SLAMF8: variants seen among roughly 807,000 people sequenced by gnomAD.
SLAMF8 encodes SLAM family member 8, also known as B lymphocyte activator macrophage expressed.
SLAMF8 carries 23 observed loss-of-function variants against 29.0 expected under a neutral mutation model. The ratio of observed to expected loss-of-function variants is 0.79; its 90% CI spans 0.57 to 1.13. The LOEUF is 1.13. Ranked by LOEUF, SLAMF8 falls within the 50% of genes most tolerant of loss-of-function variation. The pLI is 0.00. For missense variants in SLAMF8, 381 were observed against 353.1 expected (o/e 1.08, Z -0.63); for synonymous variants, 139 against 145.6 (o/e 0.96, Z 0.32).
chr1:159,833,586 A>G (rs957510599), intron 4 of SLAMF8, among the ~76,000 whole-genome samples: 1 of 152,120 alleles, frequency 6.6e-6, no homozygotes, highest in Non-Finnish European at 1.5e-5. Context: ...GTTCTCTCAC[A>G]TCCATCTGCA....
At chr1:159,831,849 A>G (rs999371270) in intron 2 of SLAMF8, among the ~76,000 whole-genome samples, 3 of 152,216 alleles carry the variant, frequency 2.0e-5, no homozygotes, top group African/African-American at 7.2e-5. Context: ...TCGTGTTTGG[A>G]AGCAGCTTGT....
intron 1 of SLAMF8, 129 bp from the exon 2 acceptor site, chr1:159,829,737 G>A (rs942270317): frequency 6.4e-6 from 6 of 940,604 alleles, no homozygotes; most frequent in Middle Eastern, 2.4e-4. Context: ...CTAGCACAGT[G>A]CAACCTCAAC....
chr1:159,830,079 A>G lies in SLAMF8; in HGVS notation c.254A>G (p.Asn85Ser). The change falls in exon 2 of 5, where the codon AAC becomes AGC. Residue 85 changes from asparagine (N) to serine (S), a missense_variant. Physicochemically the swap from Asn to Ser is conservative, Grantham distance 46. Coordinates refer to ENST00000289707, the MANE Select transcript of SLAMF8 (RefSeq NM_020125.3). Reference protein sequence around the residue: ...RFLGRAQLHSNLSLELGPLES... With the variant: ...RFLGRAQLHSSLSLELGPLES... ...CTGGGCCGAGCCCAGCTACACAGCA[A>G]CCTCAGCCTGGAGCTCGGGCCGCTG... 6.2e-7 allele frequency: 1 copy of G among 1,614,158 alleles called. No homozygotes were observed. Among genetic ancestry groups the G allele is most frequent in the Non-Finnish European group, 8.5e-7 (1 of 1,180,024 alleles).
intron 2 of SLAMF8, 137 bp downstream of exon 2, chr1:159,830,329 G>A (rs1442281891): frequency 2.1e-6 from 2 of 934,590 alleles, no homozygotes; most frequent in South Asian, 2.0e-5. Context: ...TCAGGGAACA[G>A]CTGCTCCCTG....
intron 2 of SLAMF8, among the ~76,000 whole-genome samples, chr1:159,832,352 C>G (rs913548913): frequency 1.3e-5 from 2 of 152,204 alleles, no homozygotes; most frequent in African/African-American, 4.8e-5. Context: ...TCTTGCCTGA[C>G]TTAATAAATG....
At chr1:159,827,454 C>A (rs915931086) in intron 1 of SLAMF8, among the ~76,000 whole-genome samples, 2 of 152,104 alleles carry the variant, frequency 1.3e-5, no homozygotes, top group African/African-American at 4.8e-5. Context: ...CTAAATGTGG[C>A]CCACGTGGAC....
At position 159,830,208 on chromosome 1, in the gene SLAMF8, A is replaced by T. The variant is rs376591190; in HGVS notation, c.367+16A>T. ...AAGGTGTACGGTGAGTGTGTCTGACACTGGCTGCCTGGCCCTCTTCCCCCA... is the reference window on the plus strand; with the variant it reads ...AAGGTGTACGGTGAGTGTGTCTGACTCTGGCTGCCTGGCCCTCTTCCCCCA... On this transcript the variant is annotated intron_variant, in intron 2 of 4. Coordinates refer to ENST00000289707, the MANE Select transcript of SLAMF8 (RefSeq NM_020125.3). 3.7e-5 allele frequency: 58 copies of T among 1,557,706 alleles called. No individual in the cohort carries two copies. Among genetic ancestry groups the T allele is most frequent in the Non-Finnish European group, 5.0e-5 (57 of 1,148,462 alleles).
rs1647876016 is a variant in SLAMF8, at chr1:159,835,669, A to G, written c.*409A>G. On this transcript the variant is annotated 3_prime_UTR_variant, in exon 5 of 5. Coordinates refer to ENST00000289707, the MANE Select transcript of SLAMF8 (RefSeq NM_020125.3). ...GCCTGAGTCCTAGGCTCTAAAAGATATTACATATTTGAACTAATAGAGGAA... is the reference window on the plus strand; with the variant it reads ...GCCTGAGTCCTAGGCTCTAAAAGATGTTACATATTTGAACTAATAGAGGAA... 4.0e-6 allele frequency: 4 copies of G among 993,806 alleles called. No homozygotes were observed. Among genetic ancestry groups the G allele is most frequent in the Non-Finnish European group, 4.8e-6 (4 of 835,342 alleles). 61.6% of individuals were successfully genotyped at this position (993,806 alleles called of 1,614,324 possible).
chr1:159,827,628 T>C lies in SLAMF8; in HGVS notation c.40+690T>C, dbSNP rs188886138. 6.4e-3 allele frequency among the ~76,000 whole-genome samples: 975 copies of C among 152,248 alleles called. 5 individuals are homozygous for C. The highest frequency in any genetic ancestry group is 0.022 in the African/African-American group (925 of 41,536). ...CTGCCGGGCCATGGATGAGGGTTTATGGGGTGCAGCAAAGATTAAGATGAT... is the reference window on the plus strand; with the variant it reads ...CTGCCGGGCCATGGATGAGGGTTTACGGGGTGCAGCAAAGATTAAGATGAT... On this transcript the variant is annotated intron_variant, in intron 1 of 4. Coordinates refer to ENST00000289707, the MANE Select transcript of SLAMF8 (RefSeq NM_020125.3).
intron 3 of SLAMF8, 31 bp from the exon 4 acceptor site, chr1:159,833,231 T>C: frequency 6.2e-7 from 1 of 1,614,094 alleles, no homozygotes; most frequent in Non-Finnish European, 8.5e-7. Flanking sequence ...AAGCATCAAG[T>C]CCACCTCTAA....
chr1:159,827,603 C>T (rs1346555408), intron 1 of SLAMF8, among the ~76,000 whole-genome samples: 3 of 152,146 alleles, frequency 2.0e-5, no homozygotes, highest in African/African-American at 7.2e-5. Flanking sequence ...TGGGTCAACA[C>T]TGCCGGGCCA....
chr1:159,827,527 G>A lies in SLAMF8; in HGVS notation c.40+589G>A, dbSNP rs371119389. Among the ~76,000 whole-genome samples the A allele has an allele frequency of 3.8e-4, 58 of 152,280 alleles. No homozygotes were observed. In the East Asian group the frequency reaches 7.1e-3, roughly 19 times the overall value. Reference sequence around the variant, plus strand: ...TGATACACGGGGTCTCCTCCACACCGGGCGATCCCTCTATCCATCTGATGC... The same window carrying A: ...TGATACACGGGGTCTCCTCCACACCAGGCGATCCCTCTATCCATCTGATGC... On this transcript the variant is annotated intron_variant, in intron 1 of 4. Coordinates refer to ENST00000289707, the MANE Select transcript of SLAMF8 (RefSeq NM_020125.3).
Position 159,830,210 on chromosome 1 carries a change from T to C in SLAMF8, c.367+18T>C, listed in dbSNP as rs764381989. ...GGTGTACGGTGAGTGTGTCTGACAC[T>C]GGCTGCCTGGCCCTCTTCCCCCACA... is the stretch of plus-strand genomic sequence containing the variant. On this transcript the variant is annotated intron_variant, in intron 2 of 4. Coordinates refer to ENST00000289707, the MANE Select transcript of SLAMF8 (RefSeq NM_020125.3). 4.5e-6 allele frequency: 7 copies of C among 1,552,950 alleles called. No individual in the cohort carries two copies. In the Admixed American group the frequency reaches 1.3e-4, roughly 29 times the overall value.
At chr1:159,834,153 G>A (rs550298084) in intron 4 of SLAMF8, among the ~76,000 whole-genome samples, 10 of 152,326 alleles carry the variant, frequency 6.6e-5, no homozygotes, top group South Asian at 6.2e-4. Flanking sequence ...CCAGGGCTCC[G>A]TGGTCATTTC....
intron 2 of SLAMF8, 116 bp downstream of exon 2, chr1:159,830,308 A>G (rs41317533): frequency 0.038 from 44,455 of 1,161,840 alleles, 2,148 homozygotes; most frequent in African/African-American, 0.22. Context: ...GTCTCTGACC[A>G]TGTTGCCGAC....
chr1:159,829,893 C>T lies in SLAMF8; in HGVS notation c.68C>T (p.Ala23Val). Residue 23 changes from alanine to valine, a missense_variant, in exon 2 of 5, where the codon GCC becomes GTC. Physicochemically the swap from Ala to Val is moderately conservative, Grantham distance 64. Transcript: ENST00000289707. ...CTACTTCCCATTACAGTTACTGGTGCCCAAGTGCTGAGCAAAGTCGGGGGC... is the reference window on the plus strand; with the variant it reads ...CTACTTCCCATTACAGTTACTGGTGTCCAAGTGCTGAGCAAAGTCGGGGGC... ...EALLPITVTGAQVLSKVGGSV... is the reference protein window; with the variant it reads ...EALLPITVTGVQVLSKVGGSV... 4 of 1,613,068 alleles carry T rather than the reference C, an allele frequency of 2.5e-6. No homozygotes were observed. Among genetic ancestry groups the T allele is most frequent in the Non-Finnish European group, 3.4e-6 (4 of 1,179,404 alleles).
intron 2 of SLAMF8, 54 bp downstream of exon 2, chr1:159,830,246 C>T (rs774291693): frequency 1.5e-4 from 225 of 1,500,714 alleles, no homozygotes; most frequent in Non-Finnish European, 1.9e-4. Context: ...AAGCACCAGA[C>T]GAGCATCCTG....
chr1:159,827,469 G>T (rs1663699616), intron 1 of SLAMF8, among the ~76,000 whole-genome samples: 1 of 152,108 alleles, frequency 6.6e-6, no homozygotes, highest in East Asian at 1.9e-4. Context: ...GTGGACTTAG[G>T]GGTGGCCGAC....
rs1233117387 is a variant in SLAMF8, at chr1:159,835,224, A to T, written c.822A>T (p.Pro274=). ...ATGTCCATGCTGACAGAGTGGGTCC[A>T]GAGACAGAGAACCCCCTTGTGCAGG... ...KKDVHADRVG[P]ETENPLVQDL... Residue 274 remains proline (P), a synonymous_variant, in exon 5 of 5, where the codon CCA becomes CCT. Transcript: ENST00000289707. 1.2e-6 allele frequency: 2 copies of T among 1,614,034 alleles called. No individual in the cohort carries two copies. The highest frequency in any genetic ancestry group is 3.3e-5 in the Admixed American group (2 of 59,990).
Sources: gnomAD v4.1 joint callset for allele counts (sites outside exome capture counted in the v4.1 genomes callset) on GRCh38, gnomAD v4.1.1 for gene constraint, MANE v1.5 for transcripts, NCBI Gene and HGNC (gene_info 2026-07-23, HGNC 2026-07-21) for gene names.